Variants in RALY observed in about 807,000 individuals in gnomAD.
RALY encodes RNA-binding protein Raly.
Under a neutral mutation model 30.7 loss-of-function variants are expected in RALY, and 15 were observed. The ratio of observed to expected loss-of-function variants is 0.49; its 90% confidence interval spans 0.33 to 0.75. The LOEUF is 0.75. Among genes scored for constraint, RALY ranks in the 30% least tolerant of loss-of-function variants. RALY has a pLI of 0.02. For synonymous variants in RALY, 177 were observed against 170.8 expected (o/e 1.04, Z -0.28); for missense variants, 339 against 414.3 (o/e 0.82, Z 1.58).
At chr20:33,998,182 G>A (rs1395449009) in intron 1 of RALY, among the ~76,000 whole-genome samples, 1 of 152,224 alleles carries the variant, frequency 6.6e-6, no homozygotes, top group Non-Finnish European at 1.5e-5. Flanking sequence ...AGCGTAGTGG[G>A]AAAGATAGGC....
At chr20:34,079,356 T>C (rs2033982322) in intron 9 of RALY, among the ~76,000 whole-genome samples, 1 of 152,186 alleles carries the variant, frequency 6.6e-6, no homozygotes, top group Non-Finnish European at 1.5e-5. Flanking sequence ...GGCCACTGTT[T>C]ACCATCTACT....
At chr20:34,068,526 T>G (rs1004448322) in intron 2 of RALY, among the ~76,000 whole-genome samples, 2 of 152,222 alleles carry the variant, frequency 1.3e-5, no homozygotes, top group African/African-American at 4.8e-5. Context: ...TAACATTGAT[T>G]GAACACTTAC....
At chr20:34,061,735 T>C (rs2033423424) in intron 2 of RALY, among the ~76,000 whole-genome samples, 1 of 152,230 alleles carries the variant, frequency 6.6e-6, no homozygotes, top group African/African-American at 2.4e-5. Context: ...TTTAATCTTC[T>C]CCACAATTCT....
chr20:34,075,580 A>ACC (rs1380922173), intron 5 of RALY, among the ~76,000 whole-genome samples: 1 of 151,878 alleles, frequency 6.6e-6, no homozygotes, highest in Non-Finnish European at 1.5e-5. Flanking sequence ...GTGCCAGGGG[A>ACC]CCTAGGGATG....
chr20:34,036,792 C>A (rs1449806724), intron 2 of RALY, among the ~76,000 whole-genome samples: 2 of 151,800 alleles, frequency 1.3e-5, no homozygotes, highest in Non-Finnish European at 2.9e-5. Flanking sequence ...TTCCATTTCA[C>A]CCAAGTTGTC....
chr20:34,011,474 G>A (rs1015127533), intron 1 of RALY, among the ~76,000 whole-genome samples: 1 of 152,184 alleles, frequency 6.6e-6, no homozygotes, highest in Admixed American at 6.5e-5. Flanking sequence ...TGACCTATGA[G>A]ATAAAATACA....
At chr20:34,007,652 T>G (rs952363048) in intron 1 of RALY, among the ~76,000 whole-genome samples, 1 of 150,508 alleles carries the variant, frequency 6.6e-6, no homozygotes, top group African/African-American at 2.5e-5. Flanking sequence ...AAACCCCATC[T>G]CTACTAAAAT....
chr20:34,027,564 C>T (rs2032091019), intron 1 of RALY, among the ~76,000 whole-genome samples: 1 of 152,192 alleles, frequency 6.6e-6, no homozygotes, highest in Admixed American at 6.5e-5. Context: ...ACTGTTAGAT[C>T]CTGCCTATTA....
intron 2 of RALY, among the ~76,000 whole-genome samples, chr20:34,046,956 A>AAT (rs1568678130): frequency 1.3e-5 from 2 of 151,076 alleles, no homozygotes. Context: ...AGTAGCTGGG[A>AAT]TTATAGGCAT....
chr20:34,063,373 A>T (rs916368733), intron 2 of RALY, among the ~76,000 whole-genome samples: 2 of 152,178 alleles, frequency 1.3e-5, no homozygotes, highest in African/African-American at 4.8e-5. Flanking sequence ...GTGGAATGGG[A>T]ATAACACAGG....
chr20:34,077,434 T>A lies in RALY; in HGVS notation c.876+189T>A, dbSNP rs889329066. ...GGGCACTTGCCTATCTCAGACACCA[T>A]CAGAAGTCCCACTGAGGCCTAGGGC... On this transcript the variant is annotated intron_variant, in intron 8 of 9. Coordinates refer to ENST00000246194, the MANE Select transcript of RALY (RefSeq NM_016732.3). The A allele has an allele frequency of 2.2e-6, 3 of 1,338,302 alleles. No homozygotes were observed. The African/African-American group carries it at 4.4e-5, about 20-fold the overall frequency. The allele number at this position is 1,338,302 out of a possible 1,614,324, so 82.9% of individuals were successfully genotyped here.
chr20:34,041,395 T>G (rs1024971586), intron 2 of RALY, among the ~76,000 whole-genome samples: 2 of 152,214 alleles, frequency 1.3e-5, no homozygotes, highest in African/African-American at 4.8e-5. Context: ...GTGAAGAAAC[T>G]GAAGGAATCT....
At chr20:34,055,766 T>C (rs959341778) in intron 2 of RALY, among the ~76,000 whole-genome samples, 2 of 152,204 alleles carry the variant, frequency 1.3e-5, no homozygotes, top group Non-Finnish European at 1.5e-5. Context: ...AATAAACTTG[T>C]TAATATCTTT....
At chr20:34,031,891 G>A (rs2032293314) in intron 2 of RALY, among the ~76,000 whole-genome samples, 1 of 152,292 alleles carries the variant, frequency 6.6e-6, no homozygotes, top group Middle Eastern at 3.4e-3. Flanking sequence ...GATGTGGCAG[G>A]TGGGGGGCTA....
Position 34,077,059 on chromosome 20 carries a change from C to CAGT in RALY, c.690_691insAGT (p.Ala230_Gly231insSer), listed in dbSNP as rs57852506. The CAGT allele has an allele frequency of 0.028, 40,358 of 1,452,946 alleles. 624 individuals are homozygous for CAGT. The highest frequency in any genetic ancestry group is 0.032 in the Non-Finnish European group (35,795 of 1,106,542). 90.0% of individuals were successfully genotyped at this position (1,452,946 alleles called of 1,614,324 possible). ...AGAAGAAGGGTGATGGAGGTGGCGCCGGCGGCGGCGGCGGTGGTGGTGGCA... is the reference window on the plus strand; with the variant it reads ...AGAAGAAGGGTGATGGAGGTGGCGCCAGTGGCGGCGGCGGCGGTGGTGGTGGCA... On this transcript the variant is annotated inframe_insertion, in exon 8 of 10. Transcript: ENST00000246194.
chr20:34,010,688 G>T, intron 1 of RALY, among the ~76,000 whole-genome samples: 1 of 152,192 alleles, frequency 6.6e-6, no homozygotes, highest in East Asian at 1.9e-4. Context: ...AAGCTAGTAA[G>T]TGTTAGGAAC....
Position 34,079,984 on chromosome 20 carries a change from G to C in RALY, c.*79G>C, listed in dbSNP as rs569863693. 6.6e-6 allele frequency: 1 copy of C among 152,424 alleles called. No individual in the cohort carries two copies. Among genetic ancestry groups the C allele is most frequent in the Non-Finnish European group, 1.5e-5 (1 of 68,244 alleles). The allele number at this position is 152,424 out of a possible 1,614,324, so 9.4% of individuals were successfully genotyped here. A position where few individuals can be genotyped will look rare whatever the true frequency, so the allele number is the denominator to read the frequency against. Reference sequence around the variant, plus strand: ...GCCTCAAGCCGGGCACCCAACCCTGGATGCCACCCCCCAGCGGGTACCAGA... The same window carrying C: ...GCCTCAAGCCGGGCACCCAACCCTGCATGCCACCCCCCAGCGGGTACCAGA... On this transcript the variant is annotated 3_prime_UTR_variant, in exon 10 of 10. Transcript: ENST00000246194.
intron 1 of RALY, among the ~76,000 whole-genome samples, chr20:33,997,440 G>T (rs768291283): frequency 1.3e-5 from 2 of 152,036 alleles, no homozygotes; most frequent in African/African-American, 2.4e-5. Flanking sequence ...ATAGAACCGA[G>T]ATAACTCCCC....
chr20:34,073,878 A>T lies in RALY; in HGVS notation c.377+12A>T. 2 of 1,613,466 alleles carry T rather than the reference A, an allele frequency of 1.2e-6. No individual in the cohort carries two copies. The highest frequency in any genetic ancestry group is 1.7e-6 in the Non-Finnish European group (2 of 1,179,470). On this transcript the variant is annotated intron_variant, in intron 5 of 9. Coordinates refer to ENST00000246194, the MANE Select transcript of RALY (RefSeq NM_016732.3). The stretch of plus-strand genomic sequence containing the variant: ...GACTTCTACGACAGGTGAGCAGGGG[A>T]GGGGCGTGCCCAGGCATGAAACAGC...
Sources: allele counts gnomAD v4.1 joint callset (sites outside exome capture counted in the v4.1 genomes callset), GRCh38; gene constraint gnomAD v4.1.1; transcripts MANE v1.5; gene names NCBI Gene and HGNC (gene_info 2026-07-23, HGNC 2026-07-21).